Variants in CEP112 observed in about 807,000 individuals in gnomAD.
CEP112 encodes centrosomal protein of 112 kDa.
CEP112 carries 127 observed loss-of-function variants against 153.0 expected under a neutral mutation model. That is an observed-to-expected ratio of 0.83 (90% CI 0.72 to 0.96). The LOEUF (loss-of-function observed/expected upper bound fraction) is 0.96. CEP112 is among the 40% of genes least tolerant of loss of function. The pLI, the probability that CEP112 is intolerant of heterozygous loss-of-function variation, is 0.00. For synonymous variants in CEP112, 358 were observed against 374.4 expected, an observed-to-expected ratio of 0.96 and a Z score of 0.51; for missense variants, 1,089 against 1,101.2, an observed-to-expected ratio of 0.99 and a Z score of 0.16.
At chr17:65,741,938 T>A (rs1024730195) in intron 23 of CEP112, among the ~76,000 whole-genome samples, 1 of 152,002 alleles carries the variant, frequency 6.6e-6, no homozygotes, top group Non-Finnish European at 1.5e-5. Flanking sequence ...TCTTTTTTTT[T>A]TGGTCTTATA....
chr17:66,070,628 G>A (rs978627372), intron 8 of CEP112, among the ~76,000 whole-genome samples: 2 of 152,028 alleles, frequency 1.3e-5, no homozygotes, highest in Non-Finnish European at 2.9e-5. Flanking sequence ...CACATGCAAC[G>A]GTGCTCTGAG....
intron 19 of CEP112, among the ~76,000 whole-genome samples, chr17:65,918,623 T>C (rs1568226951): frequency 6.6e-6 from 1 of 152,200 alleles, no homozygotes; most frequent in Non-Finnish European, 1.5e-5. Flanking sequence ...GAAATCTCTA[T>C]AGTCCAGGAA....
chr17:65,937,644 C>T (rs2061380527), intron 18 of CEP112, among the ~76,000 whole-genome samples: 1 of 97,690 alleles, frequency 1.0e-5, no homozygotes, highest in Non-Finnish European at 2.1e-5. Context: ...GCCCGGCCAG[C>T]CGCCCTGTCC....
chr17:66,010,154 C>T (rs1393384114), intron 16 of CEP112, among the ~76,000 whole-genome samples: 1 of 151,752 alleles, frequency 6.6e-6, no homozygotes, highest in Admixed American at 6.6e-5. Flanking sequence ...TGTTTTTTAT[C>T]CCATTGTAGA....
chr17:65,945,863 T>C (rs970888241), intron 18 of CEP112, among the ~76,000 whole-genome samples: 5 of 152,168 alleles, frequency 3.3e-5, no homozygotes, highest in Middle Eastern at 3.2e-3. Flanking sequence ...GCCAGGCTGG[T>C]CTCAAACTCC....
At chr17:65,998,434 A>T (rs2063880217) in intron 17 of CEP112, among the ~76,000 whole-genome samples, 1 of 148,262 alleles carries the variant, frequency 6.7e-6, no homozygotes, top group East Asian at 2.0e-4. Context: ...AACTGTGGTG[A>T]TGGTTACAAA....
chr17:66,059,294 T>A (rs1196916697), intron 11 of CEP112, among the ~76,000 whole-genome samples: 2 of 152,084 alleles, frequency 1.3e-5, no homozygotes, highest in East Asian at 3.9e-4. Flanking sequence ...AAATAAAAAA[T>A]GGACAAGTGG....
intron 20 of CEP112, among the ~76,000 whole-genome samples, chr17:65,892,483 GT>G (rs565811609): frequency 1.3e-3 from 202 of 151,562 alleles, no homozygotes; most frequent in African/African-American, 4.7e-3. Context: ...ATTGAATAAT[GT>G]TTTTACGAAA....
At position 65,689,137 on chromosome 17, in the gene CEP112, G is replaced by T. The variant is rs746811465; in HGVS notation, c.2689C>A (p.Gln897Lys). ...AGTAAAGGAGAGGGTACCTGTTCCTGTGACTCCAATTCTTTGTGTTGTAAT... is the reference window on the plus strand; with the variant it reads ...AGTAAAGGAGAGGGTACCTGTTCCTTTGACTCCAATTCTTTGTGTTGTAAT... ...KKLQHKELESQEQITYIRQEY... is the reference protein window; with the variant it reads ...KKLQHKELESKEQITYIRQEY... The change falls in exon 24 of 27, where the codon CAG (glutamine) becomes AAG (lysine). Residue 897 changes from glutamine (Q) to lysine (K), a missense_variant. Coordinates refer to ENST00000535342, the MANE Select transcript of CEP112 (RefSeq NM_001199165.4). 6.2e-7 allele frequency: 1 copy of T among 1,608,144 alleles called. No individual in the cohort carries two copies. The highest frequency in any genetic ancestry group is 1.1e-5 in the South Asian group (1 of 90,942).
At chr17:65,831,549 T>A (rs1237464799) in intron 21 of CEP112, among the ~76,000 whole-genome samples, 1 of 139,932 alleles carries the variant, frequency 7.1e-6, no homozygotes, top group African/African-American at 2.7e-5. Context: ...AGAGTGAGAC[T>A]CCTTCTCAAA....
chr17:65,778,838 CA>C (rs957175352), intron 21 of CEP112, among the ~76,000 whole-genome samples: 3 of 151,528 alleles, frequency 2.0e-5, no homozygotes, highest in Admixed American at 6.6e-5. Context: ...TAAATTTACC[CA>C]AAAAAAGGCA....
chr17:66,119,665 T>C (rs1338178454), intron 6 of CEP112, among the ~76,000 whole-genome samples: 1 of 152,160 alleles, frequency 6.6e-6, no homozygotes, highest in Non-Finnish European at 1.5e-5. Flanking sequence ...TTTTGAACAA[T>C]TACCAGAAAA....
chr17:65,718,429 C>T (rs77104000), intron 23 of CEP112, among the ~76,000 whole-genome samples: 1 of 151,556 alleles, frequency 6.6e-6, no homozygotes, highest in Non-Finnish European at 1.5e-5. Flanking sequence ...AAAAAATTTA[C>T]TATTTTTTCT....
At chr17:66,004,970 A>G (rs1352588862) in intron 17 of CEP112, among the ~76,000 whole-genome samples, 1 of 152,184 alleles carries the variant, frequency 6.6e-6, no homozygotes, top group Non-Finnish European at 1.5e-5. Context: ...ATCATTCTGT[A>G]CCAAATTGCC....
intron 17 of CEP112, among the ~76,000 whole-genome samples, chr17:65,989,514 G>C: frequency 6.6e-6 from 1 of 150,718 alleles, no homozygotes. Context: ...GCTATATACA[G>C]CAAAACTATC....
intron 6 of CEP112, among the ~76,000 whole-genome samples, chr17:66,110,102 G>C (rs1187351742): frequency 6.6e-6 from 1 of 152,224 alleles, no homozygotes; most frequent in Non-Finnish European, 1.5e-5. Context: ...GGAGCTTGCA[G>C]TGAGCCAAGA....
At chr17:66,080,200 A>G (rs967468190) in intron 8 of CEP112, among the ~76,000 whole-genome samples, 2 of 152,204 alleles carry the variant, frequency 1.3e-5, no homozygotes, top group African/African-American at 4.8e-5. Context: ...AGCAAAAGAA[A>G]CTATCATCGG....
intron 4 of CEP112, among the ~76,000 whole-genome samples, chr17:66,144,039 G>T (rs1370835314): frequency 6.6e-6 from 1 of 152,118 alleles, no homozygotes; most frequent in Non-Finnish European, 1.5e-5. Context: ...TAGTTCACAG[G>T]TTCAGGCTGA....
chr17:65,844,731 T>C (rs544095164), intron 21 of CEP112, among the ~76,000 whole-genome samples: 3 of 150,858 alleles, frequency 2.0e-5, no homozygotes, highest in East Asian at 2.0e-4. Flanking sequence ...ATTAATTACA[T>C]CTGGCTGGGC....
Sources: allele counts gnomAD v4.1 joint callset (sites outside exome capture counted in the v4.1 genomes callset), GRCh38; gene constraint gnomAD v4.1.1; transcripts MANE v1.5; gene names NCBI Gene and HGNC (gene_info 2026-07-23, HGNC 2026-07-21).